Variants in DSCAM observed in about 807,000 individuals in gnomAD.
DSCAM encodes DS cell adhesion molecule.
Under a neutral mutation model 217.7 loss-of-function variants are expected in DSCAM, and 47 were observed. The observed-to-expected ratio is 0.22, with a 90% CI of 0.17 to 0.28. DSCAM has a LOEUF of 0.28. DSCAM is among the 10% of genes least tolerant of loss of function. The probability of loss-of-function intolerance (pLI) is 1.00; values close to 1 mark genes in which losing one functional copy is unlikely to be tolerated. For missense variants in DSCAM, 2,080 were observed against 2,618.3 expected (o/e 0.79, Z 4.49); for synonymous variants, 1,056 against 1,015.3 (o/e 1.04, Z -0.76).
intron 16 of DSCAM, among the ~76,000 whole-genome samples, chr21:40,156,206 G>T (rs2090474685): frequency 6.6e-6 from 1 of 151,780 alleles, no homozygotes; most frequent in Admixed American, 6.6e-5. Flanking sequence ...GCGGGTGAGA[G>T]TGACCCTGGG....
Position 40,142,622 on chromosome 21 carries a change from C to T in DSCAM, c.3342G>A (p.Lys1114=). The T allele has an allele frequency of 2.5e-6, 4 of 1,614,088 alleles. No homozygotes were observed. The highest frequency in any genetic ancestry group is 3.4e-6 in the Non-Finnish European group (4 of 1,180,004). The stretch of plus-strand genomic sequence containing the variant: ...CCTGGAGAATTCCATTCAAGGCTTC[C>T]TTGGAAAGTGTGGACCAGGATATTG... The part of the protein sequence containing the change: ...SISISWSTLS[K]EALNGILQGF... The change falls in exon 18 of 33, where the codon AAG becomes AAA. Residue 1114 remains lysine, a synonymous_variant. Transcript: ENST00000400454.
At chr21:40,083,166 C>T (rs2089486884) in intron 24 of DSCAM, among the ~76,000 whole-genome samples, 1 of 152,350 alleles carries the variant, frequency 6.6e-6, no homozygotes, top group African/African-American at 2.4e-5. Context: ...TGGTGGCTCA[C>T]GCCTGTAATC....
chr21:40,029,499 C>T (rs899678105), intron 32 of DSCAM, among the ~76,000 whole-genome samples: 4 of 151,302 alleles, frequency 2.6e-5, no homozygotes, highest in Admixed American at 6.6e-5. Context: ...GCCAGTAATT[C>T]GAAAGAGTTA....
chr21:40,215,951 A>G (rs1458057600), intron 11 of DSCAM, among the ~76,000 whole-genome samples: 1 of 152,144 alleles, frequency 6.6e-6, no homozygotes, highest in Non-Finnish European at 1.5e-5. Context: ...AAAAAAAAAA[A>G]AAAACAACTT....
intron 3 of DSCAM, among the ~76,000 whole-genome samples, chr21:40,470,359 C>T (rs1221921878): frequency 2.0e-5 from 3 of 152,170 alleles, no homozygotes; most frequent in African/African-American, 4.8e-5. Flanking sequence ...GCCACGGAAA[C>T]GTGGCAGGCT....
intron 1 of DSCAM, among the ~76,000 whole-genome samples, chr21:40,838,047 C>T (rs1000033919): frequency 1.3e-5 from 2 of 152,072 alleles, no homozygotes; most frequent in African/African-American, 2.4e-5. Context: ...GAGTTTCTCT[C>T]GTGAGAAAGT....
chr21:40,468,807 AAGG>A (rs1360928716), intron 3 of DSCAM, among the ~76,000 whole-genome samples: 2 of 152,296 alleles, frequency 1.3e-5, no homozygotes, highest in East Asian at 1.9e-4. Flanking sequence ...AACTGTCAAA[AAGG>A]AGGAGATTTG....
At chr21:40,166,418 C>T (rs2090595513) in intron 16 of DSCAM, among the ~76,000 whole-genome samples, 1 of 152,210 alleles carries the variant, frequency 6.6e-6, no homozygotes, top group Non-Finnish European at 1.5e-5. Flanking sequence ...AAGACAGAGC[C>T]ATCTCCAAGA....
chr21:40,660,743 T>C (rs1248515041), intron 3 of DSCAM, among the ~76,000 whole-genome samples: 2 of 152,236 alleles, frequency 1.3e-5, no homozygotes, highest in Admixed American at 6.5e-5. Flanking sequence ...GCTGAGAGCA[T>C]GTCTGCTGAC....
intron 3 of DSCAM, among the ~76,000 whole-genome samples, chr21:40,685,155 G>A (rs925753327): frequency 2.0e-5 from 3 of 152,190 alleles, no homozygotes; most frequent in Non-Finnish European, 4.4e-5. Context: ...ATTTCATGAT[G>A]AGCATATGCA....
intron 19 of DSCAM, among the ~76,000 whole-genome samples, chr21:40,132,913 C>T (rs1435870303): frequency 1.3e-5 from 2 of 152,136 alleles, no homozygotes; most frequent in African/African-American, 4.8e-5. Context: ...CAGGAGGTGA[C>T]CAGCAATGGC....
chr21:40,498,757 G>A (rs1382474819), intron 3 of DSCAM, among the ~76,000 whole-genome samples: 2 of 14,026 alleles, frequency 1.4e-4, no homozygotes, highest in African/African-American at 4.1e-4. Context: ...ATATATATAT[G>A]GGTGTATATA....
intron 3 of DSCAM, among the ~76,000 whole-genome samples, chr21:40,632,239 A>G (rs932253115): frequency 2.6e-5 from 4 of 152,162 alleles, no homozygotes; most frequent in South Asian, 4.1e-4. Context: ...AGACAAATCC[A>G]GCTATTGTAG....
Position 40,245,934 on chromosome 21 carries a change from G to GAAGT in DSCAM, c.2356+30159_2356+30162dup, listed in dbSNP as rs534196904. ...AGCTTACCTAAGCTGGCAGGATAGGGAAGTCCCTTCTGTTTTAGCCCTTTA... is the reference window on the plus strand; with the variant it reads ...AGCTTACCTAAGCTGGCAGGATAGGGAAGTAAGTCCCTTCTGTTTTAGCCCTTTA... On this transcript the variant is annotated intron_variant, in intron 11 of 32. Transcript: ENST00000400454. Among the ~76,000 whole-genome samples the GAAGT allele has an allele frequency of 2.3e-4, 35 of 152,226 alleles. 1 individual carries two copies. In the East Asian group the frequency reaches 5.8e-3, roughly 25 times the overall value.
intron 3 of DSCAM, among the ~76,000 whole-genome samples, chr21:40,615,200 T>C (rs192669860): frequency 6.7e-6 from 1 of 148,450 alleles, no homozygotes; most frequent in East Asian, 2.0e-4. Flanking sequence ...GGAGAATGCC[T>C]TGAACCAGGA....
chr21:40,224,994 T>G (rs2146911031), intron 11 of DSCAM, among the ~76,000 whole-genome samples: 1 of 152,296 alleles, frequency 6.6e-6, no homozygotes, highest in African/African-American at 2.4e-5. Context: ...AACTACCTTT[T>G]CAAGGAGGTA....
At chr21:40,257,085 A>G (rs558751585) in intron 11 of DSCAM, among the ~76,000 whole-genome samples, 2 of 152,336 alleles carry the variant, frequency 1.3e-5, no homozygotes, top group South Asian at 4.1e-4. Context: ...AATGTATCAT[A>G]TGTTATATGA....
chr21:40,704,220 T>C (rs1284085071), intron 2 of DSCAM, among the ~76,000 whole-genome samples: 3 of 152,162 alleles, frequency 2.0e-5, no homozygotes, highest in Non-Finnish European at 4.4e-5. Flanking sequence ...TGGAAACTAC[T>C]GATCTTTCTA....
At chr21:40,014,011 C>A (rs2088110778) in intron 32 of DSCAM, among the ~76,000 whole-genome samples, 1 of 152,230 alleles carries the variant, frequency 6.6e-6, no homozygotes, top group African/African-American at 2.4e-5. Flanking sequence ...GCAGCTTAGA[C>A]CAGAATTCTA....
Sources: gnomAD v4.1 joint callset for allele counts (sites outside exome capture counted in the v4.1 genomes callset) on GRCh38, gnomAD v4.1.1 for gene constraint, MANE v1.5 for transcripts, NCBI Gene and HGNC (gene_info 2026-07-23, HGNC 2026-07-21) for gene names.